DPP6: variants seen among roughly 807,000 people sequenced by gnomAD.
DPP6 encodes the protein dipeptidyl peptidase like 6, also known as A-type potassium channel modulatory protein DPP6.
In DPP6, 69 loss-of-function variants were observed where a neutral mutation model predicts 122.6. The observed-to-expected ratio is 0.56, with a 90% CI of 0.46 to 0.69. DPP6 has a LOEUF of 0.69. Among genes scored for constraint, DPP6 ranks in the 30% least tolerant of loss-of-function variants. The pLI is 0.00. For missense variants in DPP6, 928 were observed against 1,116.9 expected (o/e 0.83, Z 2.41); for synonymous variants, 418 against 433.1 (o/e 0.97, Z 0.43).
In DPP6 at chr7:154,737,363, G is replaced by A. The variant is rs112035333; in HGVS notation, c.883+9476G>A. On this transcript the variant is annotated intron_variant, in intron 8 of 25. Transcript: ENST00000377770. ...ATGGCTTAGCATTTGCCTATTACCC[G>A]TGCTCATCCTCCGGGATACTTTAAA... 9.0e-3 allele frequency among the ~76,000 whole-genome samples: 1,374 copies of A among 152,240 alleles called. 14 individuals carry two copies. The highest frequency in any genetic ancestry group is 0.03 in the African/African-American group (1,238 of 41,548).
intron 5 of DPP6, among the ~76,000 whole-genome samples, chr7:154,626,485 G>A (rs1467224700): frequency 6.6e-6 from 1 of 152,162 alleles, no homozygotes; most frequent in Non-Finnish European, 1.5e-5. Flanking sequence ...TCTATGTGAA[G>A]GGTACAGAGA....
chr7:153,822,207 T>TG, the DPP6 span, among the ~76,000 whole-genome samples: 10 of 69,398 alleles, frequency 1.4e-4, no homozygotes, highest in South Asian at 2.1e-3. Flanking sequence ...TTTTTTTTTT[T>TG]GAGATGGAGT....
chr7:154,545,407 C>G (rs1213334699), intron 4 of DPP6, among the ~76,000 whole-genome samples: 1 of 151,776 alleles, frequency 6.6e-6, no homozygotes, highest in Admixed American at 6.6e-5. Flanking sequence ...CTGAGTAGAA[C>G]ACTCCTTTTT....
chr7:154,214,689 G>A (rs1799905897), intron 1 of DPP6, among the ~76,000 whole-genome samples: 1 of 152,172 alleles, frequency 6.6e-6, no homozygotes. Flanking sequence ...GGCTGAGGTG[G>A]GTGGATTGCT....
intron 1 of DPP6, among the ~76,000 whole-genome samples, chr7:154,090,224 AC>A (rs915192397): frequency 7.2e-5 from 11 of 151,998 alleles, no homozygotes; most frequent in African/African-American, 2.7e-4. Context: ...CACTTCGAGG[AC>A]CCTCACTGCT....
At chr7:154,408,225 A>G (rs1169266646) in intron 1 of DPP6, among the ~76,000 whole-genome samples, 6 of 152,290 alleles carry the variant, frequency 3.9e-5, no homozygotes, top group African/African-American at 1.2e-4. Context: ...GAAAAATGGG[A>G]CACATTTATT....
chr7:154,284,850 A>G (rs959251316), intron 1 of DPP6, among the ~76,000 whole-genome samples: 2 of 152,194 alleles, frequency 1.3e-5, no homozygotes, highest in Non-Finnish European at 2.9e-5. Context: ...GCGAGACTTC[A>G]TCTCAAAACA....
intron 1 of DPP6, among the ~76,000 whole-genome samples, chr7:153,896,225 A>G (rs1799408336): frequency 6.6e-6 from 1 of 152,250 alleles, no homozygotes; most frequent in African/African-American, 2.4e-5. Context: ...AACTTTTAGT[A>G]AAACCTCCAC....
Position 154,722,645 on chromosome 7 carries a change from G to T in DPP6, c.763-5122G>T, listed in dbSNP as rs565347172. On this transcript the variant is annotated intron_variant, in intron 7 of 25. Coordinates refer to ENST00000377770, the MANE Select transcript of DPP6 (RefSeq NM_130797.4). ...GCGGCAGCAGGAGGCAGGGAGTTGA[G>T]TGAGGGTGGCCCACGGTTGTGAGTG... Among the ~76,000 whole-genome samples, 3 of 152,312 alleles carry T rather than the reference G, an allele frequency of 2.0e-5. No homozygotes were observed. The South Asian group carries it at 6.2e-4, about 32-fold the overall frequency.
intron 16 of DPP6, among the ~76,000 whole-genome samples, chr7:154,819,985 G>A (rs568296612): frequency 5.3e-5 from 8 of 152,298 alleles, no homozygotes; most frequent in African/African-American, 1.4e-4. Flanking sequence ...CAGAGTGGAC[G>A]GTGGGGCTGG....
intron 1 of DPP6, among the ~76,000 whole-genome samples, chr7:154,367,239 A>G (rs949841273): frequency 2.0e-5 from 3 of 152,174 alleles, no homozygotes; most frequent in Non-Finnish European, 4.4e-5. Context: ...AAGGGAACTC[A>G]TTATGTGTGA....
At chr7:154,267,959 A>G (rs75812470) in intron 1 of DPP6, among the ~76,000 whole-genome samples, 60,074 of 145,834 alleles carry the variant, frequency 0.41, 13,081 homozygotes, top group South Asian at 0.54. Context: ...TTATAAACAC[A>G]TATACACACG....
At position 153,889,987 on chromosome 7, in the gene DPP6, C is replaced by G. The variant is rs114740241; in HGVS notation, c.51+2253C>G. 3.0e-3 allele frequency among the ~76,000 whole-genome samples: 463 copies of G among 152,322 alleles called. 5 individuals are homozygous for G. The highest frequency in any genetic ancestry group is 0.011 in the African/African-American group (445 of 41,572). ...TAGGACTTACCCATGCCTAATCTCT[C>G]AAGTTGCTTTGGAAGACTCTTGCTA... is the stretch of plus-strand genomic sequence containing the variant. On this transcript the variant is annotated intron_variant, in intron 1 of 25. Transcript: ENST00000404039.
chr7:154,536,086 A>C (rs1361940887), intron 3 of DPP6, among the ~76,000 whole-genome samples: 1 of 152,240 alleles, frequency 6.6e-6, no homozygotes, highest in Non-Finnish European at 1.5e-5. Flanking sequence ...GAGGTCTGTC[A>C]GTCCTATAGA....
At chr7:154,070,074 C>T (rs1378975335) in intron 1 of DPP6, among the ~76,000 whole-genome samples, 4 of 151,984 alleles carry the variant, frequency 2.6e-5, no homozygotes, top group East Asian at 1.9e-4. Context: ...AACAGTTTCT[C>T]ATATGCAATG....
At chr7:153,880,335 T>C in the DPP6 span, among the ~76,000 whole-genome samples, 1 of 152,242 alleles carries the variant, frequency 6.6e-6, no homozygotes, top group Non-Finnish European at 1.5e-5. Flanking sequence ...TAATTTCACA[T>C]TGTTCAAAGA....
chr7:154,216,958 C>CT (rs1800041097), intron 1 of DPP6, among the ~76,000 whole-genome samples: 1 of 147,906 alleles, frequency 6.8e-6, no homozygotes, highest in Non-Finnish European at 1.5e-5. Context: ...TAGGAAACAA[C>CT]TAGAAATATG....
intron 1 of DPP6, among the ~76,000 whole-genome samples, chr7:153,903,788 A>G (rs1015485382): frequency 3.9e-5 from 6 of 151,928 alleles, no homozygotes; most frequent in African/African-American, 1.2e-4. Context: ...CAGTTGTTGG[A>G]TTTAGGTTCC....
chr7:154,791,122 G>A (rs1351041373), intron 10 of DPP6, among the ~76,000 whole-genome samples: 1 of 152,012 alleles, frequency 6.6e-6, no homozygotes, highest in African/African-American at 2.4e-5. Flanking sequence ...CATGGTGGCA[G>A]ACATCTGTAA....
Sources: allele counts gnomAD v4.1 joint callset (sites outside exome capture counted in the v4.1 genomes callset), GRCh38; gene constraint gnomAD v4.1.1; transcripts MANE v1.5; gene names NCBI Gene and HGNC (gene_info 2026-07-23, HGNC 2026-07-21).